The following LMBR1 variants were observed in gnomAD, a reference collection of about 807,000 sequenced individuals.
LMBR1 encodes the protein limb region 1 protein homolog.
In LMBR1, 52 loss-of-function variants were observed where a neutral mutation model predicts 73.9. That is an observed-to-expected ratio of 0.70 (90% confidence interval 0.56 to 0.89). The LOEUF is 0.89. LMBR1 is among the 40% of genes least tolerant of loss of function. The pLI is 0.00. For missense variants in LMBR1, 539 were observed against 579.8 expected (o/e 0.93, Z 0.72); for synonymous variants, 215 against 209.4 (o/e 1.03, Z -0.23).
At chr7:156,802,019 G>C (rs1188789376) in intron 4 of LMBR1, among the ~76,000 whole-genome samples, 1 of 151,378 alleles carries the variant, frequency 6.6e-6, no homozygotes, top group Non-Finnish European at 1.5e-5. Context: ...GTCTCACTCT[G>C]TTGCCCAGGC....
intron 15 of LMBR1, among the ~76,000 whole-genome samples, chr7:156,694,923 C>T (rs1335760996): frequency 2.0e-5 from 3 of 152,160 alleles, no homozygotes; most frequent in African/African-American, 7.2e-5. Flanking sequence ...CTAAACAAAA[C>T]TACAAACAAG....
chr7:156,874,959 T>C (rs1227637039), intron 1 of LMBR1, among the ~76,000 whole-genome samples: 1 of 152,136 alleles, frequency 6.6e-6, no homozygotes. Context: ...AATCCCTGAT[T>C]TACCTGAAAA....
chr7:156,705,621 A>G (rs1002670693), intron 15 of LMBR1, among the ~76,000 whole-genome samples: 1 of 152,218 alleles, frequency 6.6e-6, no homozygotes, highest in African/African-American at 2.4e-5. Flanking sequence ...AGCTTCATAC[A>G]TGAAGGAGAG....
chr7:156,730,646 T>C (rs1040250949), intron 10 of LMBR1, among the ~76,000 whole-genome samples: 11 of 152,116 alleles, frequency 7.2e-5, no homozygotes, highest in African/African-American at 2.7e-4. Flanking sequence ...TTACCAGATA[T>C]GGGAAAAAGA....
At chr7:156,775,194 C>T (rs1825903536) in intron 5 of LMBR1, among the ~76,000 whole-genome samples, 1 of 151,988 alleles carries the variant, frequency 6.6e-6, no homozygotes, top group Non-Finnish European at 1.5e-5. Flanking sequence ...ATGGAGAAAC[C>T]CCATCTCTAC....
intron 1 of LMBR1, among the ~76,000 whole-genome samples, chr7:156,890,312 CA>C (rs1451349536): frequency 6.6e-6 from 1 of 151,638 alleles, no homozygotes; most frequent in Admixed American, 6.6e-5. Context: ...TAAAAGTACT[CA>C]AAAAAATTTT....
rs1172354420 is a variant in LMBR1 at position 156,669,952 on chromosome 7, A to G, written n.867-665T>C. On this transcript the variant is annotated intron_variant and non_coding_transcript_variant, in intron 4 of 4. Coordinates refer to the LMBR1 transcript ENST00000430825. This position sits in a 1 kb window ranked among gnomAD's most constrained non-coding sequence, Gnocchi z 4.2. ...ACAGATCCCTGTTTAAAAGAAAGAA[A>G]ACATGGGAAAGTGCCATCCAAGTAC... Among the ~76,000 whole-genome samples, 2 of 152,212 alleles carry G rather than the reference A, an allele frequency of 1.3e-5. No homozygotes were observed. Among genetic ancestry groups the G allele is most frequent in the African/African-American group, 2.4e-5 (1 of 41,454 alleles).
At chr7:156,797,384 T>C (rs538234223) in intron 4 of LMBR1, among the ~76,000 whole-genome samples, 4 of 152,226 alleles carry the variant, frequency 2.6e-5, no homozygotes, top group Non-Finnish European at 5.9e-5. Flanking sequence ...CAAAAGTTTA[T>C]AAAATCAAGA....
At chr7:156,696,251 T>C (rs997732197) in intron 15 of LMBR1, among the ~76,000 whole-genome samples, 9 of 152,204 alleles carry the variant, frequency 5.9e-5, no homozygotes, top group Non-Finnish European at 1.3e-4. Context: ...TGTTCAAAGA[T>C]ATTGTTAGGA....
At chr7:156,824,609 A>C (rs1275156476) in intron 4 of LMBR1, among the ~76,000 whole-genome samples, 1 of 152,178 alleles carries the variant, frequency 6.6e-6, no homozygotes, top group Non-Finnish European at 1.5e-5. Flanking sequence ...TTGGGAGGCC[A>C]AGGTGGGAGA....
At chr7:156,812,994 A>C (rs1833357804) in intron 4 of LMBR1, among the ~76,000 whole-genome samples, 1 of 152,140 alleles carries the variant, frequency 6.6e-6, no homozygotes, top group African/African-American at 2.4e-5. Flanking sequence ...GTTTCTCAAA[A>C]ACCTAGTCAT....
At chr7:156,768,958 A>T (rs553037347) in intron 5 of LMBR1, among the ~76,000 whole-genome samples, 1 of 152,250 alleles carries the variant, frequency 6.6e-6, no homozygotes, top group Non-Finnish European at 1.5e-5. Context: ...GGCCTCCTGG[A>T]GTATTTGTGA....
intron 8 of LMBR1, among the ~76,000 whole-genome samples, chr7:156,761,289 G>A (rs969131255): frequency 1.3e-5 from 2 of 152,082 alleles, no homozygotes; most frequent in Non-Finnish European, 2.9e-5. Flanking sequence ...CTAAGAAATC[G>A]TTTTTATATA....
In LMBR1 at chr7:156,878,515, C is replaced by T. The variant is rs187062419; in HGVS notation, c.66+14413G>A. On this transcript the variant is annotated intron_variant, in intron 1 of 16. Coordinates refer to ENST00000353442, the MANE Select transcript of LMBR1 (RefSeq NM_022458.4). ...ATACCTAACCAAGAAGGTAAAAGGCCTCTACAAGGAAAACTACAAAATACT... is the reference window on the plus strand; with the variant it reads ...ATACCTAACCAAGAAGGTAAAAGGCTTCTACAAGGAAAACTACAAAATACT... Among the ~76,000 whole-genome samples, 168 of 152,170 alleles carry T rather than the reference C, an allele frequency of 1.1e-3. 1 individual carries two copies. The East Asian group carries it at 0.03, about 27-fold the overall frequency.
chr7:156,821,041 G>A (rs966407294), intron 4 of LMBR1, among the ~76,000 whole-genome samples: 2 of 152,206 alleles, frequency 1.3e-5, no homozygotes, highest in African/African-American at 2.4e-5. Flanking sequence ...TGGGGCTTTA[G>A]TAGGGATTGA....
chr7:156,808,979 T>C (rs1399481982), intron 4 of LMBR1, among the ~76,000 whole-genome samples: 2 of 152,234 alleles, frequency 1.3e-5, no homozygotes, highest in African/African-American at 4.8e-5. Context: ...AACTTACTTG[T>C]ACATCTATAA....
At chr7:156,802,164 G>A (rs1053597872) in intron 4 of LMBR1, among the ~76,000 whole-genome samples, 2 of 152,168 alleles carry the variant, frequency 1.3e-5, no homozygotes, top group Admixed American at 6.5e-5. Context: ...TGTATTTTCA[G>A]TGGAGACGGA....
At position 156,689,068 on chromosome 7, in the gene LMBR1, A is replaced by G. The variant is rs550746447; in HGVS notation, c.1226-877T>C. Among the ~76,000 whole-genome samples, 187 of 152,310 alleles carry G rather than the reference A, an allele frequency of 1.2e-3. 1 individual carries two copies. The highest frequency in any genetic ancestry group is 4.2e-3 in the African/African-American group (173 of 41,574). On this transcript the variant is annotated intron_variant, in intron 15 of 16. Transcript: ENST00000353442. ...TTAAATTCACCTATACACATTTGTA[A>G]AAGTATTTTTACTTAAAAATAGTTT...
In LMBR1 at chr7:156,725,819, C is replaced by A; in HGVS notation, c.1012G>T (p.Ala338Ser). The A allele has an allele frequency of 6.2e-7, 1 of 1,613,556 alleles. No individual in the cohort carries two copies. Among genetic ancestry groups the A allele is most frequent in the Non-Finnish European group, 8.5e-7 (1 of 1,179,672 alleles). Reference protein sequence around the residue: ...KGTRGPGIGNASLSTFGFVGA... With the variant: ...KGTRGPGIGNSSLSTFGFVGA... ...ACAAAACCAAACGTAGAAAGAGAGGCATTTCCTATTCCAGGCCCCTGGGGT... is the reference window on the plus strand; with the variant it reads ...ACAAAACCAAACGTAGAAAGAGAGGAATTTCCTATTCCAGGCCCCTGGGGT... The change falls in exon 13 of 17, where the codon GCC becomes TCC. Residue 338 changes from alanine (A) to serine (S), a missense_variant. This residue lies in a region of LMBR1 where 454 missense variants were observed against 473.4 expected (regional missense o/e 0.96). Transcript: ENST00000353442.
Sources: gnomAD v4.1 joint callset for allele counts (sites outside exome capture counted in the v4.1 genomes callset) on GRCh38, gnomAD v4.1.1 for gene constraint, gnomAD v4.1.1 regional missense constraint, Gnocchi (gnomAD v3.1) non-coding constraint, MANE v1.5 for transcripts, NCBI Gene and HGNC (gene_info 2026-07-23, HGNC 2026-07-21) for gene names.